GALM: variants seen among roughly 807,000 people sequenced by gnomAD.
The protein encoded by GALM is aldose 1-epimerase.
In GALM, 43 loss-of-function variants were observed where a neutral mutation model predicts 37.4. The observed-to-expected ratio is 1.15, with a 90% confidence interval of 0.90 to 1.48. The LOEUF is 1.48. Ranked by LOEUF, GALM falls within the 40% of genes most tolerant of loss-of-function variation. GALM has a pLI of 0.00. For synonymous variants in GALM, 199 were observed against 170.6 expected, an observed-to-expected ratio of 1.17 and a Z score of -1.30; for missense variants, 456 against 419.1, an observed-to-expected ratio of 1.09 and a Z score of -0.77.
At chr2:38,704,725 A>G (rs1307576899) in intron 4 of GALM, among the ~76,000 whole-genome samples, 3 of 152,090 alleles carry the variant, frequency 2.0e-5, no homozygotes, top group Non-Finnish European at 4.4e-5. Context: ...GGACAACAGT[A>G]AAAAAGTTAA....
At chr2:38,728,254 C>T (rs949812664) in intron 4 of GALM, among the ~76,000 whole-genome samples, 2 of 151,058 alleles carry the variant, frequency 1.3e-5, no homozygotes, top group Admixed American at 6.6e-5. Flanking sequence ...ATTAGCTGGG[C>T]GTGGTGGTGT....
intron 4 of GALM, among the ~76,000 whole-genome samples, chr2:38,691,664 AG>A (rs570667660): frequency 7.2e-4 from 109 of 152,154 alleles, no homozygotes; most frequent in African/African-American, 2.6e-3. Flanking sequence ...CCTGGGCAAC[AG>A]AGCAAGACCC....
intron 4 of GALM, among the ~76,000 whole-genome samples, chr2:38,691,640 C>G (rs1336786407): frequency 2.0e-5 from 3 of 151,798 alleles, no homozygotes; most frequent in Non-Finnish European, 4.4e-5. Context: ...GCCGTGATCT[C>G]TGCTGCACTC....
chr2:38,724,694 G>C (rs1226384080), intron 4 of GALM, among the ~76,000 whole-genome samples: 2 of 152,028 alleles, frequency 1.3e-5, no homozygotes, highest in Non-Finnish European at 2.9e-5. Context: ...TTAAGTCAGG[G>C]CTTCTTTGTC....
rs1665136977 is a variant in GALM at position 38,672,577 on chromosome 2, ACTGT to A, written c.191-3331_191-3328del. 2.0e-5 allele frequency among the ~76,000 whole-genome samples: 3 copies of A among 152,156 alleles called. No individual in the cohort carries two copies. The South Asian group carries it at 6.2e-4, about 32-fold the overall frequency. ...TGAAGAACATGGACTCATGAGCTAG[ACTGT>A]CTGGATTCAAGTCTTGGTTCTGCCA... On this transcript the variant is annotated intron_variant, in intron 1 of 6. Transcript: ENST00000272252.
In GALM at chr2:38,694,006, C is replaced by T. The variant is rs142308571; in HGVS notation, c.634+4112C>T. Among the ~76,000 whole-genome samples, 579 of 152,130 alleles carry T rather than the reference C, an allele frequency of 3.8e-3. 2 individuals carry two copies. Among genetic ancestry groups the T allele is most frequent in the Middle Eastern group, 0.021 (6 of 292 alleles). The stretch of plus-strand genomic sequence containing the variant: ...AGCAGCCTGGGCAACATAGGGAGAC[C>T]CTGTTAATACAAAACATTTTTTTGA... On this transcript the variant is annotated intron_variant, in intron 4 of 6. Transcript: ENST00000272252.
chr2:38,704,397 C>A (rs1665994428), intron 4 of GALM, among the ~76,000 whole-genome samples: 1 of 151,976 alleles, frequency 6.6e-6, no homozygotes, highest in Non-Finnish European at 1.5e-5. Context: ...AGGCTGGGCA[C>A]AGTGGTTCAT....
At chr2:38,666,557 T>C (rs1040219179) in intron 1 of GALM, among the ~76,000 whole-genome samples, 7 of 152,364 alleles carry the variant, frequency 4.6e-5, no homozygotes, top group African/African-American at 1.7e-4. Context: ...CTATGGCAGT[T>C]GGCCTCTGGT....
chr2:38,682,491 A>G lies in GALM; in HGVS notation c.552+1005A>G, dbSNP rs570582732. On this transcript the variant is annotated intron_variant, in intron 3 of 6. Transcript: ENST00000272252. ...GATTCTGTTTTCTAGAATTTTCCCAAATTGCAGAGTTAATTGGTTCTTGTA... is the reference window on the plus strand; with the variant it reads ...GATTCTGTTTTCTAGAATTTTCCCAGATTGCAGAGTTAATTGGTTCTTGTA... Among the ~76,000 whole-genome samples the G allele has an allele frequency of 5.3e-5, 8 of 152,172 alleles. No individual in the cohort carries two copies. The South Asian group carries it at 8.3e-4, about 16-fold the overall frequency.
chr2:38,708,826 T>TTTTG (rs1052312427), intron 4 of GALM, among the ~76,000 whole-genome samples: 12 of 152,098 alleles, frequency 7.9e-5, no homozygotes, highest in African/African-American at 2.2e-4. Context: ...TAACAGTTTT[T>TTTTG]TTTGTTTGTT....
rs116288428 is a variant in GALM at position 38,679,565 on chromosome 2, C to T, written c.346-1715C>T. ...TTGCAAGATGATTTATGTAAAGCAC[C>T]AGGTCATTGACTATTGAGCACTCAA... On this transcript the variant is annotated intron_variant, in intron 2 of 6. Coordinates refer to ENST00000272252, the MANE Select transcript of GALM (RefSeq NM_138801.3). Among the ~76,000 whole-genome samples the T allele has an allele frequency of 3.4e-3, 519 of 152,268 alleles. 5 individuals are homozygous for T. The highest frequency in any genetic ancestry group is 0.012 in the African/African-American group (497 of 41,542).
chr2:38,696,898 T>C (rs1256401101), intron 4 of GALM, among the ~76,000 whole-genome samples: 1 of 139,454 alleles, frequency 7.2e-6, no homozygotes, highest in Non-Finnish European at 1.5e-5. Context: ...CAAGCAATCC[T>C]CCCGCCTCAG....
At chr2:38,712,259 A>G (rs1572535983) in intron 4 of GALM, among the ~76,000 whole-genome samples, 1 of 152,208 alleles carries the variant, frequency 6.6e-6, no homozygotes, top group East Asian at 1.9e-4. Flanking sequence ...GTCATACACA[A>G]GGTCAGAGGC....
chr2:38,727,169 T>C (rs1666503279), intron 4 of GALM, among the ~76,000 whole-genome samples: 1 of 150,200 alleles, frequency 6.7e-6, no homozygotes, highest in Non-Finnish European at 1.5e-5. Context: ...TGAGCCAAGG[T>C]TGAGCCACTG....
chr2:38,697,670 G>C (rs572105363), intron 4 of GALM, among the ~76,000 whole-genome samples: 1 of 152,240 alleles, frequency 6.6e-6, no homozygotes, highest in Non-Finnish European at 1.5e-5. Context: ...AGTAAAAGGG[G>C]ACCTTCCCCC....
intron 4 of GALM, among the ~76,000 whole-genome samples, chr2:38,728,639 C>A (rs1054150263): frequency 6.6e-6 from 1 of 151,996 alleles, no homozygotes; most frequent in Non-Finnish European, 1.5e-5. Flanking sequence ...GAGCTGAGAT[C>A]GCGCCACTGC....
chr2:38,733,526 G>C lies in GALM; in HGVS notation c.990G>C (p.Glu330Asp). The change falls in exon 7 of 7, where the codon GAG (glutamate) becomes GAC (aspartate). Residue 330 changes from glutamate (E) to aspartate (D), a missense_variant. Physicochemically the swap from Glu to Asp is conservative, Grantham distance 45. Coordinates refer to ENST00000272252, the MANE Select transcript of GALM (RefSeq NM_138801.3). Reference sequence around the variant, plus strand: ...CTGTGCTGCTGAGGCCTGGTGAGGAGTATGACCACACCACCTGGTTCAAGT... The same window carrying C: ...CTGTGCTGCTGAGGCCTGGTGAGGACTATGACCACACCACCTGGTTCAAGT... ...FPPVLLRPGE[E>D]YDHTTWFKFS... 2 of 1,614,010 alleles carry C rather than the reference G, an allele frequency of 1.2e-6. No homozygotes were observed. Among genetic ancestry groups the C allele is most frequent in the South Asian group, 1.1e-5 (1 of 91,084 alleles).
chr2:38,714,310 G>T (rs1666226763), intron 4 of GALM, among the ~76,000 whole-genome samples: 1 of 151,984 alleles, frequency 6.6e-6, no homozygotes, highest in Non-Finnish European at 1.5e-5. Context: ...TGCCTCCCAG[G>T]CTCAAGCAAT....
intron 4 of GALM, among the ~76,000 whole-genome samples, chr2:38,706,703 G>T (rs1280307144): frequency 2.0e-5 from 3 of 151,678 alleles, no homozygotes; most frequent in Non-Finnish European, 4.4e-5. Flanking sequence ...CTGTTCTGGT[G>T]GGACTTGACT....
Sources: allele counts gnomAD v4.1 joint callset (sites outside exome capture counted in the v4.1 genomes callset), GRCh38; gene constraint gnomAD v4.1.1; transcripts MANE v1.5; gene names NCBI Gene and HGNC (gene_info 2026-07-23, HGNC 2026-07-21).